COG5: variants seen among roughly 807,000 people sequenced by gnomAD.
COG5 encodes the protein conserved oligomeric Golgi complex subunit 5.
COG5 carries 86 observed loss-of-function variants against 110.4 expected under a neutral mutation model. The observed-to-expected ratio is 0.78, with a 90% CI of 0.65 to 0.93. The LOEUF is 0.93. Ranked by LOEUF, COG5 falls within the 40% of genes least tolerant of loss-of-function variation. The pLI is 0.00. For synonymous variants in COG5, 360 were observed against 334.6 expected, an observed-to-expected ratio of 1.08 and a Z score of -0.83; for missense variants, 1,077 against 987.0, an observed-to-expected ratio of 1.09 and a Z score of -1.22.
In COG5 at chr7:107,207,821, G is replaced by T. The variant is rs1166483384; in HGVS notation, c.2375+2705C>A. ...TCATTTAAGCTCCAGAAAGCATCTG[G>T]TGTCAGAAGAAAACAGGAAGGCAGG... On this transcript the variant is annotated intron_variant, in intron 21 of 21. Transcript: ENST00000297135. The T allele has an allele frequency of 3.0e-6, 3 of 985,288 alleles. No individual in the cohort carries two copies. In the Admixed American group the frequency reaches 1.8e-4, roughly 61 times the overall value. 61.0% of individuals were successfully genotyped at this position (985,288 alleles called of 1,614,324 possible). A position where few individuals can be genotyped will look rare whatever the true frequency, so the allele number is the denominator to read the frequency against.
At chr7:107,433,514 A>G (rs1794163949) in intron 6 of COG5, among the ~76,000 whole-genome samples, 1 of 152,238 alleles carries the variant, frequency 6.6e-6, no homozygotes, top group Non-Finnish European at 1.5e-5. Context: ...GCCCAGATAT[A>G]AACCTTTACG....
chr7:107,252,985 A>C (rs569437119), intron 16 of COG5: 2 of 152,196 alleles, frequency 1.3e-5, no homozygotes, highest in Non-Finnish European at 2.9e-5. Flanking sequence ...CTATACTTAC[A>C]ATAGTAAAAT....
intron 19 of COG5, among the ~76,000 whole-genome samples, chr7:107,220,815 CTTTTTT>C (rs1168926155): frequency 2.4e-5 from 3 of 123,932 alleles, no homozygotes; most frequent in South Asian, 2.7e-4. Flanking sequence ...CTCATGCCTT[CTTTTTT>C]TTTTTTTTTT....
chr7:107,453,265 C>T (rs926398178), intron 6 of COG5, among the ~76,000 whole-genome samples: 1 of 152,098 alleles, frequency 6.6e-6, no homozygotes, highest in African/African-American at 2.4e-5. Context: ...TAATATAGTA[C>T]ATTCAATAGA....
chr7:107,219,448 G>A (rs1440405342), intron 19 of COG5, among the ~76,000 whole-genome samples: 1 of 152,102 alleles, frequency 6.6e-6, no homozygotes, highest in Non-Finnish European at 1.5e-5. Context: ...GTCTATCAAT[G>A]GATGAGTAGA....
chr7:107,282,013 A>G (rs899689296), intron 13 of COG5, among the ~76,000 whole-genome samples: 4 of 151,974 alleles, frequency 2.6e-5, no homozygotes, highest in African/African-American at 4.8e-5. Flanking sequence ...CTGCCAAAAA[A>G]AAAAAAAAAA....
intron 6 of COG5, among the ~76,000 whole-genome samples, chr7:107,433,564 T>C (rs1794167143): frequency 6.6e-6 from 1 of 152,150 alleles, no homozygotes; most frequent in South Asian, 2.1e-4. Flanking sequence ...GCCAACACAA[T>C]TCAACAGGAA....
intron 6 of COG5, among the ~76,000 whole-genome samples, chr7:107,419,779 G>A (rs573767476): frequency 1.3e-5 from 2 of 152,038 alleles, no homozygotes; most frequent in African/African-American, 4.8e-5. Context: ...TTTTGGCCAG[G>A]CTAGTCTCGA....
At position 107,236,443 on chromosome 7, in the gene COG5, A is replaced by G. The variant is rs767141407; in HGVS notation, c.2091+7T>C. 2.5e-6 allele frequency: 4 copies of G among 1,597,522 alleles called. No individual in the cohort carries two copies. Among genetic ancestry groups the G allele is most frequent in the Non-Finnish European group, 3.4e-6 (4 of 1,164,806 alleles). On this transcript the variant is annotated splice_region_variant and intron_variant, in intron 18 of 21. Coordinates refer to ENST00000297135, the MANE Select transcript of COG5 (RefSeq NM_006348.5). ...ATTTTTTCTTTTGTAGTAATTCATC[A>G]ATGTACCTGTGCAAAATCAGCAGCA...
intron 6 of COG5, among the ~76,000 whole-genome samples, chr7:107,509,638 C>A (rs888369476): frequency 2.0e-5 from 3 of 152,164 alleles, no homozygotes; most frequent in African/African-American, 7.2e-5. Context: ...ATGTTAAGGG[C>A]AGCCAGAGAG....
intron 10 of COG5, among the ~76,000 whole-genome samples, chr7:107,338,022 A>C (rs1219567943): frequency 6.6e-6 from 1 of 152,186 alleles, no homozygotes; most frequent in African/African-American, 2.4e-5. Context: ...ACCATAATGC[A>C]CTGAACAATG....
intron 21 of COG5, chr7:107,209,072 A>C: frequency 3.0e-6 from 3 of 985,238 alleles, no homozygotes; most frequent in Non-Finnish European, 3.6e-6. Flanking sequence ...TTGTGTGCAC[A>C]TGTGGTTTAG....
chr7:107,382,770 T>C (rs1382841168), intron 7 of COG5, among the ~76,000 whole-genome samples: 3 of 152,212 alleles, frequency 2.0e-5, no homozygotes, highest in African/African-American at 7.2e-5. Flanking sequence ...CTCAGTCCTG[T>C]GGTGATTTTT....
chr7:107,486,913 A>G (rs1797687224), intron 6 of COG5, among the ~76,000 whole-genome samples: 1 of 152,152 alleles, frequency 6.6e-6, no homozygotes. Context: ...GTGACAGTAA[A>G]TGGTACTGCC....
intron 16 of COG5, among the ~76,000 whole-genome samples, chr7:107,254,475 T>C (rs564738052): frequency 1.5e-4 from 23 of 152,172 alleles, no homozygotes; most frequent in Admixed American, 8.5e-4. Context: ...TGTATTAACA[T>C]GAGCAATGAA....
chr7:107,382,897 C>G (rs1327746519), intron 7 of COG5, among the ~76,000 whole-genome samples: 1 of 152,154 alleles, frequency 6.6e-6, no homozygotes, highest in Non-Finnish European at 1.5e-5. Flanking sequence ...TTAGACTAAC[C>G]TTACTTATTC....
chr7:107,415,718 GTATATA>G (rs1479883118), intron 6 of COG5, among the ~76,000 whole-genome samples: 3 of 149,068 alleles, frequency 2.0e-5, no homozygotes, highest in Non-Finnish European at 4.5e-5. Context: ...GTGCATGAAT[GTATATA>G]TGTATATGTA....
In COG5 at chr7:107,304,065, G is replaced by A. The variant is rs1584649293; in HGVS notation, c.1109-5719C>T. On this transcript the variant is annotated intron_variant, in intron 11 of 21. Coordinates refer to ENST00000297135, the MANE Select transcript of COG5 (RefSeq NM_006348.5). ...AATTTAGAAGATAATTCTATGTATTGTACTCCTACCAGGTAATAATAGGTC... is the reference window on the plus strand; with the variant it reads ...AATTTAGAAGATAATTCTATGTATTATACTCCTACCAGGTAATAATAGGTC... Among the ~76,000 whole-genome samples the A allele has an allele frequency of 7.2e-5, 11 of 152,106 alleles. No individual in the cohort carries two copies. In the South Asian group the frequency reaches 2.3e-3, roughly 32 times the overall value.
chr7:107,410,858 C>T (rs1792231126), intron 7 of COG5, among the ~76,000 whole-genome samples: 1 of 150,624 alleles, frequency 6.6e-6, no homozygotes, highest in Admixed American at 6.6e-5. Flanking sequence ...GAGACTTAGA[C>T]CAAATGATAC....
Sources: gnomAD v4.1 joint callset for allele counts (sites outside exome capture counted in the v4.1 genomes callset) on GRCh38, gnomAD v4.1.1 for gene constraint, MANE v1.5 for transcripts, NCBI Gene and HGNC (gene_info 2026-07-23, HGNC 2026-07-21) for gene names.